Variants in SAMHD1 observed in about 807,000 individuals in gnomAD.
The protein encoded by SAMHD1 is SAM and HD domain containing deoxynucleoside triphosphate triphosphohydrolase 1.
Under a neutral mutation model 79.6 loss-of-function variants are expected in SAMHD1, and 54 were observed. The observed-to-expected ratio is 0.68, with a 90% CI of 0.55 to 0.85. SAMHD1 has a LOEUF of 0.85. SAMHD1 is among the 40% of genes least tolerant of loss of function. The probability of loss-of-function intolerance (pLI) is 0.00; values close to 1 mark genes in which losing one functional copy is unlikely to be tolerated. For missense variants in SAMHD1, 663 were observed against 782.7 expected (o/e 0.85, Z 1.82); for synonymous variants, 260 against 264.1 (o/e 0.98, Z 0.15).
At chr20:36,906,091 T>C (rs920894000) in intron 11 of SAMHD1, among the ~76,000 whole-genome samples, 23 of 152,070 alleles carry the variant, frequency 1.5e-4, no homozygotes, top group African/African-American at 5.6e-4. Flanking sequence ...AGCTGGGTGA[T>C]GGGCACATAA....
At chr20:36,912,423 G>A in intron 10 of SAMHD1, 38 bp downstream of exon 10, 1 of 1,401,826 alleles carries the variant, frequency 7.1e-7, no homozygotes, top group South Asian at 1.2e-5. Context: ...CAAGTATCAA[G>A]GAAAATTTTA....
rs561314552 is a variant in SAMHD1, at chr20:36,913,669, G to A, written c.1063-1117C>T. On this transcript the variant is annotated intron_variant, in intron 9 of 15. Coordinates refer to ENST00000646673, the MANE Select transcript of SAMHD1 (RefSeq NM_015474.4). ...AACTCTGTGACAGTTTCCGTTTTAG[G>A]CATCTTAAATTAAATATATATATAT... 3.1e-4 allele frequency among the ~76,000 whole-genome samples: 46 copies of A among 149,822 alleles called. No homozygotes were observed. In the South Asian group the frequency reaches 9.5e-3, roughly 31 times the overall value.
intron 7 of SAMHD1, among the ~76,000 whole-genome samples, chr20:36,917,747 C>T (rs1330323108): frequency 6.6e-6 from 1 of 152,130 alleles, no homozygotes; most frequent in Admixed American, 6.6e-5. Context: ...TAGCTACATA[C>T]CTAGTCTAAA....
chr20:36,945,870 C>T (rs2063682686), intron 2 of SAMHD1, among the ~76,000 whole-genome samples: 1 of 151,750 alleles, frequency 6.6e-6, no homozygotes, highest in Non-Finnish European at 1.5e-5. Context: ...CACCATTGCA[C>T]TCCAGTCTGG....
At chr20:36,910,222 C>A (rs1271616791) in intron 11 of SAMHD1, among the ~76,000 whole-genome samples, 31 of 121,900 alleles carry the variant, frequency 2.5e-4, no homozygotes, top group Admixed American at 5.2e-4. Context: ...GACTCCGTAT[C>A]AAAAAAAAAA....
intron 2 of SAMHD1, among the ~76,000 whole-genome samples, chr20:36,945,441 G>T (rs6030346): frequency 0.064 from 9,705 of 152,154 alleles, 429 homozygotes; most frequent in Non-Finnish European, 0.1. Context: ...CTCAAGATAG[G>T]GGTGTAGCCT....
intron 4 of SAMHD1, among the ~76,000 whole-genome samples, chr20:36,931,332 G>C (rs186616223): frequency 2.6e-4 from 40 of 152,256 alleles, no homozygotes; most frequent in African/African-American, 9.6e-4. Context: ...CCACAATAAC[G>C]AAAGTAGGTC....
At chr20:36,895,195 A>G (rs1049553347) in intron 15 of SAMHD1, among the ~76,000 whole-genome samples, 13 of 151,828 alleles carry the variant, frequency 8.6e-5, no homozygotes, top group Admixed American at 7.2e-4. Context: ...AGACACCTCC[A>G]CACTCTATGC....
At chr20:36,927,631 A>G (rs1457847647) in intron 5 of SAMHD1, among the ~76,000 whole-genome samples, 1 of 152,110 alleles carries the variant, frequency 6.6e-6, no homozygotes, top group African/African-American at 2.4e-5. Flanking sequence ...TGAATTCTTT[A>G]ATCTTTTTAG....
intron 6 of SAMHD1, among the ~76,000 whole-genome samples, chr20:36,921,342 G>A (rs563629127): frequency 3.3e-4 from 42 of 127,436 alleles, no homozygotes; most frequent in Non-Finnish European, 5.9e-4. Context: ...GCAGTGAGCC[G>A]AGATCACGCC....
chr20:36,949,495 G>A (rs1419049468), intron 1 of SAMHD1, among the ~76,000 whole-genome samples: 2 of 148,800 alleles, frequency 1.3e-5, no homozygotes, highest in South Asian at 2.1e-4. Flanking sequence ...GGTGGCTCAC[G>A]CCTGTAATCC....
intron 4 of SAMHD1, among the ~76,000 whole-genome samples, chr20:36,932,804 A>T (rs1281347493): frequency 6.6e-6 from 1 of 152,030 alleles, no homozygotes; most frequent in Non-Finnish European, 1.5e-5. Flanking sequence ...TTGTAAGATG[A>T]TAAGAGTTTT....
intron 4 of SAMHD1, among the ~76,000 whole-genome samples, chr20:36,931,220 T>A (rs942861801): frequency 7.9e-5 from 12 of 152,224 alleles, no homozygotes; most frequent in African/African-American, 2.9e-4. Flanking sequence ...TTAGTGGGGA[T>A]GTATTATGGT....
intron 10 of SAMHD1, chr20:36,911,877 A>T (rs1433465431): frequency 5.7e-6 from 1 of 175,012 alleles, no homozygotes; most frequent in Non-Finnish European, 1.2e-5. Flanking sequence ...AGAGACATGG[A>T]AGAAGTAACT....
chr20:36,897,735 TG>T (rs1990222668), intron 15 of SAMHD1, 86 bp downstream of exon 15: 3 of 1,449,458 alleles, frequency 2.1e-6, no homozygotes, highest in Non-Finnish European at 2.9e-6. Context: ...ATAACTTAAA[TG>T]GGAACTTTTC....
At chr20:36,923,414 C>T (rs2063518741) in intron 6 of SAMHD1, among the ~76,000 whole-genome samples, 1 of 151,536 alleles carries the variant, frequency 6.6e-6, no homozygotes, top group African/African-American at 2.4e-5. Flanking sequence ...AGGGCAAGAC[C>T]CTCTCTCAAA....
At chr20:36,921,113 G>A (rs1219377461) in intron 6 of SAMHD1, among the ~76,000 whole-genome samples, 3 of 151,870 alleles carry the variant, frequency 2.0e-5, no homozygotes, top group African/African-American at 7.3e-5. Flanking sequence ...CAAACAAATT[G>A]GCCGGGCACA....
chr20:36,935,847 AGG>A (rs2063600323), intron 3 of SAMHD1, among the ~76,000 whole-genome samples: 1 of 152,160 alleles, frequency 6.6e-6, no homozygotes, highest in African/African-American at 2.4e-5. Context: ...TTGGGATTAC[AGG>A]CGTGAGCCAC....
At chr20:36,911,702 A>G in intron 10 of SAMHD1, 1 of 209,166 alleles carries the variant, frequency 4.8e-6, no homozygotes, top group Admixed American at 5.3e-5. Context: ...CAACAACAAT[A>G]ACAACAACAA....
Sources: gnomAD v4.1 joint callset for allele counts (sites outside exome capture counted in the v4.1 genomes callset) on GRCh38, gnomAD v4.1.1 for gene constraint, MANE v1.5 for transcripts, NCBI Gene and HGNC (gene_info 2026-07-23, HGNC 2026-07-21) for gene names.